MACROD1: variants seen among roughly 807,000 people sequenced by gnomAD.
The protein encoded by MACROD1 is mono-ADP ribosylhydrolase 1, also known as ADP-ribose glycohydrolase MACROD1.
In MACROD1, 31 loss-of-function variants were observed where a neutral mutation model predicts 41.4. The ratio of observed to expected loss-of-function variants is 0.75; its 90% CI spans 0.56 to 1.01. MACROD1 has a LOEUF of 1.01. Among genes scored for constraint, MACROD1 ranks in the 50% least tolerant of loss-of-function variants. The probability of loss-of-function intolerance (pLI) is 0.00; values close to 1 mark genes in which losing one functional copy is unlikely to be tolerated. For missense variants in MACROD1, 473 were observed against 460.0 expected (o/e 1.03, Z -0.26); for synonymous variants, 252 against 203.4 (o/e 1.24, Z -2.03).
chr11:64,042,744 G>A (rs1159104648), intron 3 of MACROD1, among the ~76,000 whole-genome samples: 3 of 152,308 alleles, frequency 2.0e-5, no homozygotes, highest in East Asian at 3.9e-4. Context: ...CACTACTTCT[G>A]GACAAGGGGT....
chr11:64,141,700 G>A (rs1219724784), intron 3 of MACROD1, among the ~76,000 whole-genome samples: 1 of 152,226 alleles, frequency 6.6e-6, no homozygotes, highest in Non-Finnish European at 1.5e-5. Context: ...GGGGACGCAA[G>A]CAGGGGCACA....
intron 3 of MACROD1, among the ~76,000 whole-genome samples, chr11:64,111,584 G>A (rs1482785580): frequency 1.3e-5 from 2 of 152,192 alleles, no homozygotes; most frequent in Non-Finnish European, 2.9e-5. Context: ...CTGAGTCTCA[G>A]GCTGCTGGGC....
chr11:64,072,090 G>A (rs942707521), intron 3 of MACROD1, among the ~76,000 whole-genome samples: 13 of 152,212 alleles, frequency 8.5e-5, no homozygotes, highest in African/African-American at 1.2e-4. Context: ...GAATCGAATC[G>A]ACTGCTGAAC....
At chr11:64,017,565 G>A (rs1312965219) in intron 3 of MACROD1, among the ~76,000 whole-genome samples, 2 of 152,086 alleles carry the variant, frequency 1.3e-5, no homozygotes, top group East Asian at 3.9e-4. Flanking sequence ...TTGCCTTCTC[G>A]AAACCAGGCA....
chr11:64,100,230 T>C (rs1944647628), intron 3 of MACROD1, among the ~76,000 whole-genome samples: 2 of 152,176 alleles, frequency 1.3e-5, no homozygotes, highest in South Asian at 2.1e-4. Context: ...CATATATGTA[T>C]GGGCAGATTC....
intron 3 of MACROD1, among the ~76,000 whole-genome samples, chr11:64,147,927 TAG>T (rs1945518667): frequency 6.6e-6 from 1 of 151,724 alleles, no homozygotes; most frequent in Non-Finnish European, 1.5e-5. Context: ...TTTGTAGAGA[TAG>T]AGTCTCACTA....
rs1262805816 is a variant in MACROD1, at chr11:64,165,807, G to T, written c.188C>A (p.Ala63Glu). 1.3e-6 allele frequency: 2 copies of T among 1,486,278 alleles called. No individual in the cohort carries two copies. The highest frequency in any genetic ancestry group is 1.8e-6 in the Non-Finnish European group (2 of 1,120,432). 92.1% of individuals were successfully genotyped at this position (1,486,278 alleles called of 1,614,324 possible). Residue 63 changes from alanine (A) to glutamate (E), a missense_variant, in exon 1 of 11, where the codon GCG becomes GAG. Ala to Glu is a moderately radical substitution (Grantham distance 107, BLOSUM62 -1). Coordinates refer to ENST00000255681, the MANE Select transcript of MACROD1 (RefSeq NM_014067.4). ...CCGCCCCACCGCCGCCGCCCCCCAC[G>T]CCCCAACTCCCGCCGAGGTCCGCGC... is the stretch of plus-strand genomic sequence containing the variant. ...RRARTSAGVGAWGAAAVGRTA... is the reference protein window; with the variant it reads ...RRARTSAGVGEWGAAAVGRTA...
rs528005864 is a variant in MACROD1 at position 64,066,284 on chromosome 11, G to A, written c.518-51003C>T. Among the ~76,000 whole-genome samples, 21 of 125,446 alleles carry A rather than the reference G, an allele frequency of 1.7e-4. No individual in the cohort carries two copies. In the East Asian group the frequency reaches 3.8e-3, roughly 22 times the overall value. The allele number at this position is 125,446 out of a possible 152,430, so 82.3% of individuals were successfully genotyped here. ...TGCACCCCAGCCTCGGTGACAGAGC[G>A]AGACTGTCTCAAAAAAAAAAAAAAA... On this transcript the variant is annotated intron_variant, in intron 3 of 10. Transcript: ENST00000255681.
intron 3 of MACROD1, among the ~76,000 whole-genome samples, chr11:64,054,348 A>G (rs1472615350): frequency 6.6e-6 from 1 of 152,252 alleles, no homozygotes; most frequent in African/African-American, 2.4e-5. Context: ...AAAGGAAAGA[A>G]GCGGCCACTT....
chr11:64,069,099 A>G lies in MACROD1; in HGVS notation c.518-53818T>C, dbSNP rs1224945034. ...GGGGCAGGAGAAGGAGCCCTGGAGA[A>G]CCAGTTAGGGGTGTGAGGGTGACGG... On this transcript the variant is annotated intron_variant, in intron 3 of 10. Transcript: ENST00000255681. Among the ~76,000 whole-genome samples the G allele has an allele frequency of 3.9e-5, 6 of 152,084 alleles. No individual in the cohort carries two copies. The South Asian group carries it at 8.3e-4, about 21-fold the overall frequency.
intron 3 of MACROD1, among the ~76,000 whole-genome samples, chr11:64,125,635 C>T (rs917775589): frequency 6.6e-6 from 1 of 152,228 alleles, no homozygotes; most frequent in Non-Finnish European, 1.5e-5. Flanking sequence ...CTCGCTCCAC[C>T]CTGCCTTGGA....
intron 3 of MACROD1, among the ~76,000 whole-genome samples, chr11:64,058,437 C>T (rs924066391): frequency 2.6e-5 from 4 of 152,232 alleles, no homozygotes; most frequent in South Asian, 2.1e-4. Flanking sequence ...CCAGGCCTGA[C>T]GAGGGGGCAC....
At chr11:64,061,873 CTTTTTTT>C (rs57666180) in intron 3 of MACROD1, among the ~76,000 whole-genome samples, 22 of 99,118 alleles carry the variant, frequency 2.2e-4, no homozygotes, top group Middle Eastern at 6.2e-3. Context: ...ACCACGCTGG[CTTTTTTT>C]TTTTTTTTTT....
At chr11:64,001,477 TCTC>T (rs1309518146) in intron 4 of MACROD1, 4 of 702,250 alleles carry the variant, frequency 5.7e-6, no homozygotes, top group Non-Finnish European at 1.0e-5. Context: ...AAGGCCACCT[TCTC>T]CTTCATCACC....
intron 4 of MACROD1, among the ~76,000 whole-genome samples, chr11:64,011,286 G>C (rs993240100): frequency 1.3e-5 from 2 of 149,168 alleles, no homozygotes; most frequent in Non-Finnish European, 3.0e-5. Context: ...TGGCATGCTG[G>C]TTGGGGTGTT....
intron 3 of MACROD1, among the ~76,000 whole-genome samples, chr11:64,136,467 T>C (rs1945334081): frequency 6.6e-6 from 1 of 152,126 alleles, no homozygotes; most frequent in African/African-American, 2.4e-5. Flanking sequence ...GAGGGTGGGA[T>C]GCGTTGGCAG....
chr11:64,047,079 G>A (rs942898318), intron 3 of MACROD1, among the ~76,000 whole-genome samples: 23 of 151,618 alleles, frequency 1.5e-4, no homozygotes, highest in African/African-American at 4.4e-4. Flanking sequence ...CTGAGCCTTC[G>A]ACGTGCTGTT....
chr11:64,123,372 C>A (rs756304234), intron 3 of MACROD1, among the ~76,000 whole-genome samples: 4 of 152,098 alleles, frequency 2.6e-5, no homozygotes, highest in Non-Finnish European at 5.9e-5. Flanking sequence ...TAAAAAGGCT[C>A]AAAAATGCAA....
intron 1 of MACROD1, among the ~76,000 whole-genome samples, chr11:64,161,154 G>C (rs1945747865): frequency 1.3e-5 from 2 of 152,090 alleles, no homozygotes; most frequent in Non-Finnish European, 1.5e-5. Flanking sequence ...CTGGGCGACA[G>C]AGCAAGACTC....
Sources: allele counts gnomAD v4.1 joint callset (sites outside exome capture counted in the v4.1 genomes callset), GRCh38; gene constraint gnomAD v4.1.1; transcripts MANE v1.5; gene names NCBI Gene and HGNC (gene_info 2026-07-23, HGNC 2026-07-21).